The following HFM1 variants were observed in gnomAD, a reference collection of about 807,000 sequenced individuals.
HFM1 encodes helicase for meiosis 1, also known as probable ATP-dependent DNA helicase HFM1.
HFM1 carries 169 observed loss-of-function variants against 192.1 expected under a neutral mutation model. The observed-to-expected ratio is 0.88, with a 90% CI of 0.78 to 1.00. HFM1 has a LOEUF of 1.00. HFM1 is among the 50% of genes least tolerant of loss of function. HFM1 has a pLI of 0.00. For missense variants in HFM1, 1,661 were observed against 1,668.0 expected, an observed-to-expected ratio of 1.00 and a Z score of 0.07; for synonymous variants, 525 against 537.8, an observed-to-expected ratio of 0.98 and a Z score of 0.33.
At chr1:91,317,062 C>T (rs756487526) in intron 25 of HFM1, among the ~76,000 whole-genome samples, 2 of 152,158 alleles carry the variant, frequency 1.3e-5, no homozygotes, top group Non-Finnish European at 2.9e-5. Flanking sequence ...CTAATTTCCT[C>T]TAACTCTCCT....
intron 2 of HFM1, 85 bp from the exon 3 acceptor site, chr1:91,396,490 G>A: frequency 1.5e-6 from 1 of 671,880 alleles, no homozygotes. Context: ...TTACTCAATT[G>A]GACTCTTAAA....
At chr1:91,388,139 T>C (rs1662481545) in intron 4 of HFM1, among the ~76,000 whole-genome samples, 1 of 152,140 alleles carries the variant, frequency 6.6e-6, no homozygotes, top group South Asian at 2.1e-4. Context: ...TTTGGAGTTG[T>C]ACCCTTTATA....
Position 91,261,306 on chromosome 1 carries a change from A to G in HFM1, c.4292T>C (p.Phe1431Ser). ...ADEMKSLLGI[F>S]DGIF is the part of the protein sequence containing the mutation. ...TTGTTTGTTTTAGAAAATACCATCAAATATTCCCAATAAAGACTTCATTTC... is the reference window on the plus strand; with the variant it reads ...TTGTTTGTTTTAGAAAATACCATCAGATATTCCCAATAAAGACTTCATTTC... Residue 1431 changes from phenylalanine to serine, a missense_variant, in exon 39 of 39, where the codon TTT becomes TCT. Transcript: ENST00000370425. 2 of 1,393,218 alleles carry G rather than the reference A, an allele frequency of 1.4e-6. No individual in the cohort carries two copies. The highest frequency in any genetic ancestry group is 2.7e-5 in the Admixed American group (1 of 37,216). The allele number at this position is 1,393,218 out of a possible 1,614,324, so 86.3% of individuals were successfully genotyped here.
At chr1:91,344,109 T>G (rs999460489) in intron 19 of HFM1, among the ~76,000 whole-genome samples, 1 of 152,230 alleles carries the variant, frequency 6.6e-6, no homozygotes, top group African/African-American at 2.4e-5. Context: ...CTGATGCTTT[T>G]AGGTGTTTAC....
chr1:91,337,066 G>T (rs944006480), intron 20 of HFM1, among the ~76,000 whole-genome samples: 4 of 152,166 alleles, frequency 2.6e-5, no homozygotes, highest in Admixed American at 2.0e-4. Context: ...AACAACACAC[G>T]TTGGGGTCTG....
At chr1:91,312,269 C>T (rs142885237) in intron 30 of HFM1, among the ~76,000 whole-genome samples, 159 of 152,170 alleles carry the variant, frequency 1.0e-3, no homozygotes, top group African/African-American at 2.9e-3. Context: ...GTAGATCCAC[C>T]GACAGCTTGA....
At chr1:91,291,470 T>C (rs1469551847) in intron 30 of HFM1, among the ~76,000 whole-genome samples, 3 of 152,202 alleles carry the variant, frequency 2.0e-5, no homozygotes, top group African/African-American at 7.2e-5. Flanking sequence ...GATACATTCC[T>C]CGACACATAC....
At chr1:91,329,040 C>T (rs1653379770) in intron 20 of HFM1, 2 of 1,611,396 alleles carry the variant, frequency 1.2e-6, no homozygotes, top group Middle Eastern at 1.7e-4. Context: ...GAACCAGGAA[C>T]AGTTTGTGGA....
chr1:91,293,689 C>G (rs1669053650), intron 30 of HFM1, among the ~76,000 whole-genome samples: 1 of 151,794 alleles, frequency 6.6e-6, no homozygotes, highest in African/African-American at 2.4e-5. Context: ...CCCAGCCATC[C>G]CCTTACTAGG....
At chr1:91,287,311 T>C (rs551283992) in intron 30 of HFM1, among the ~76,000 whole-genome samples, 34 of 152,236 alleles carry the variant, frequency 2.2e-4, no homozygotes, top group African/African-American at 2.9e-4. Context: ...CAGCTGGAGA[T>C]CTGAGAAGGG....
chr1:91,352,586 T>C lies in HFM1; in HGVS notation c.1897A>G (p.Met633Val), dbSNP rs1334392586. The C allele has an allele frequency of 3.7e-6, 6 of 1,609,536 alleles. No individual in the cohort carries two copies. The highest frequency in any genetic ancestry group is 1.3e-5 in the African/African-American group (1 of 74,722). ...TCAAACAGTCCTCCAGCATAATGCATTGTAGATTTTATAACTACTAGGTGA... is the reference window on the plus strand; with the variant it reads ...TCAAACAGTCCTCCAGCATAATGCACTGTAGATTTTATAACTACTAGGTGA... ...PAHLVVIKST[M>V]HYAGGLFEEY... Residue 633 changes from methionine (M) to valine (V), a missense_variant, in exon 16 of 39, where the codon ATG becomes GTG. Met to Val is a conservative substitution (Grantham distance 21). Coordinates refer to ENST00000370425, the MANE Select transcript of HFM1 (RefSeq NM_001017975.6).
intron 30 of HFM1, among the ~76,000 whole-genome samples, chr1:91,290,260 T>A (rs1668584585): frequency 6.6e-6 from 1 of 152,132 alleles, no homozygotes; most frequent in Non-Finnish European, 1.5e-5. Context: ...ACTGGCAAAT[T>A]GGATAAAGAG....
intron 13 of HFM1, among the ~76,000 whole-genome samples, chr1:91,362,715 A>G (rs1440831095): frequency 3.3e-5 from 5 of 152,162 alleles, no homozygotes; most frequent in Non-Finnish European, 7.4e-5. Flanking sequence ...ATATGGAACC[A>G]AATAGCTGAG....
At chr1:91,297,265 C>T (rs373698783) in intron 30 of HFM1, among the ~76,000 whole-genome samples, 22 of 152,308 alleles carry the variant, frequency 1.4e-4, no homozygotes, top group African/African-American at 4.6e-4. Flanking sequence ...CCATTGCCGA[C>T]GCTTGAGTAG....
chr1:91,318,316 T>C (rs778261811), intron 25 of HFM1, among the ~76,000 whole-genome samples: 11 of 152,234 alleles, frequency 7.2e-5, no homozygotes, highest in Non-Finnish European at 1.3e-4. Context: ...TCATAAACAG[T>C]TGGTAATCTT....
chr1:91,403,531 T>C (rs757269859), intron 1 of HFM1, among the ~76,000 whole-genome samples: 5 of 152,140 alleles, frequency 3.3e-5, no homozygotes, highest in African/African-American at 2.4e-5. Context: ...TATGAGTTTG[T>C]GATGTGAGGG....
At chr1:91,278,099 C>T (rs1033886089) in intron 30 of HFM1, among the ~76,000 whole-genome samples, 1 of 150,064 alleles carries the variant, frequency 6.7e-6, no homozygotes, top group Admixed American at 6.7e-5. Context: ...CCTGAAAAAC[C>T]TGTAAAGAAG....
At chr1:91,313,147 T>A (rs865984723) in intron 30 of HFM1, among the ~76,000 whole-genome samples, 51 of 152,202 alleles carry the variant, frequency 3.4e-4, no homozygotes, top group South Asian at 6.2e-4. Context: ...AATAAAAAAA[T>A]TTGTCCCCCA....
chr1:91,264,451 C>A (rs567338074), intron 36 of HFM1, among the ~76,000 whole-genome samples: 70 of 129,698 alleles, frequency 5.4e-4, no homozygotes, highest in African/African-American at 2.0e-3. Context: ...CGGCTCACTG[C>A]AAGCTCCGCC....
Sources: allele counts gnomAD v4.1 joint callset (sites outside exome capture counted in the v4.1 genomes callset), GRCh38; gene constraint gnomAD v4.1.1; transcripts MANE v1.5; gene names NCBI Gene and HGNC (gene_info 2026-07-23, HGNC 2026-07-21).